GALNT13: variants seen among roughly 807,000 people sequenced by gnomAD.
GALNT13 encodes polypeptide N-acetylgalactosaminyltransferase 13, also known as UDP-GalNAc:polypeptide N-acetylgalactosaminyltransferase 13.
GALNT13 carries 28 observed loss-of-function variants against 64.2 expected under a neutral mutation model. The observed-to-expected ratio is 0.44, with a 90% CI of 0.32 to 0.60. The LOEUF (loss-of-function observed/expected upper bound fraction) is 0.60. GALNT13 is among the 20% of genes least tolerant of loss of function. The pLI is 0.05. For missense variants in GALNT13, 577 were observed against 669.8 expected, an observed-to-expected ratio of 0.86 and a Z score of 1.53; for synonymous variants, 214 against 224.6, an observed-to-expected ratio of 0.95 and a Z score of 0.42.
At chr2:153,198,349 C>G in the GALNT13 span, among the ~76,000 whole-genome samples, 10 of 152,172 alleles carry the variant, frequency 6.6e-5, no homozygotes, top group Non-Finnish European at 1.3e-4. Context: ...TTACAGGAGT[C>G]TGAGGTGAGA....
chr2:153,085,864 C>T, the GALNT13 span, among the ~76,000 whole-genome samples: 1 of 152,064 alleles, frequency 6.6e-6, no homozygotes, highest in South Asian at 2.1e-4. Flanking sequence ...GCACTATGTA[C>T]CTAGGAAAGC....
intron 3 of GALNT13, among the ~76,000 whole-genome samples, chr2:154,100,379 T>C (rs1702284828): frequency 6.6e-6 from 1 of 152,154 alleles, no homozygotes; most frequent in South Asian, 2.1e-4. Flanking sequence ...CTATGATTTC[T>C]TTCAGCAGTA....
At chr2:153,204,451 A>T in the GALNT13 span, among the ~76,000 whole-genome samples, 2 of 152,174 alleles carry the variant, frequency 1.3e-5, no homozygotes, top group East Asian at 1.9e-4. Context: ...GAATTTATCC[A>T]AACAGCTTTT....
chr2:154,094,490 G>A (rs1701979402), intron 3 of GALNT13, among the ~76,000 whole-genome samples: 1 of 151,790 alleles, frequency 6.6e-6, no homozygotes, highest in Non-Finnish European at 1.5e-5. Flanking sequence ...GCCTTAAATT[G>A]GACAACTCAG....
At chr2:153,242,254 A>G in the GALNT13 span, among the ~76,000 whole-genome samples, 1 of 152,092 alleles carries the variant, frequency 6.6e-6, no homozygotes, top group Non-Finnish European at 1.5e-5. Context: ...CTGGCTTATT[A>G]TTTGTGTAAC....
the GALNT13 span, among the ~76,000 whole-genome samples, chr2:153,401,081 C>G: frequency 6.6e-6 from 1 of 151,994 alleles, no homozygotes; most frequent in African/African-American, 2.4e-5. Flanking sequence ...AAATTTCCCT[C>G]TACACACTGC....
At chr2:153,456,792 C>A in the GALNT13 span, among the ~76,000 whole-genome samples, 1 of 152,260 alleles carries the variant, frequency 6.6e-6, no homozygotes, top group East Asian at 1.9e-4. Context: ...AGGATTTGAA[C>A]CTAGGCTATC....
rs529424469 is a variant in GALNT13 at position 154,269,906 on chromosome 2, G to GTGTATATATATATATATATATATA, written c.975+10769_975+10770insGTATATATATATATATATATATAT. On this transcript the variant is annotated intron_variant, in intron 8 of 12. Coordinates refer to ENST00000392825, the MANE Select transcript of GALNT13 (RefSeq NM_052917.4). ...GTCATATATATATTTATATATATGT[G>GTGTATATATATATATATATATATA]TATATATATATATATATATTTCTAA... Among the ~76,000 whole-genome samples, 408 of 96,812 alleles carry GTGTATATATATATATATATATATA rather than the reference G, an allele frequency of 4.2e-3. 26 individuals carry two copies. The highest frequency in any genetic ancestry group is 6.1e-3 in the Admixed American group (48 of 7,856). The allele number at this position is 96,812 out of a possible 152,430, so 63.5% of individuals were successfully genotyped here.
chr2:153,116,452 C>T, the GALNT13 span, among the ~76,000 whole-genome samples: 1 of 152,060 alleles, frequency 6.6e-6, no homozygotes, highest in Non-Finnish European at 1.5e-5. Flanking sequence ...GTTCAGACTT[C>T]GTGTTTGGGA....
intron 3 of GALNT13, among the ~76,000 whole-genome samples, chr2:153,993,627 C>A (rs901962025): frequency 7.2e-6 from 1 of 139,492 alleles, no homozygotes; most frequent in East Asian, 2.1e-4. Flanking sequence ...ACTTGGGAGG[C>A]GAAGCTTGCA....
At chr2:153,346,112 G>A in the GALNT13 span, among the ~76,000 whole-genome samples, 1 of 151,982 alleles carries the variant, frequency 6.6e-6, no homozygotes, top group African/African-American at 2.4e-5. Context: ...TTTTTGTAGA[G>A]ATGGGTTTTG....
At chr2:153,628,157 G>A in the GALNT13 span, among the ~76,000 whole-genome samples, 1 of 151,904 alleles carries the variant, frequency 6.6e-6, no homozygotes, top group African/African-American at 2.4e-5. Flanking sequence ...GTCTGTTATT[G>A]GTGTATAAGA....
At chr2:153,922,674 C>T (rs1366095450) in intron 2 of GALNT13, among the ~76,000 whole-genome samples, 1 of 152,116 alleles carries the variant, frequency 6.6e-6, no homozygotes, top group South Asian at 2.1e-4. Context: ...AACCCTTACT[C>T]TCCACCTTCC....
At chr2:153,571,228 G>A in the GALNT13 span, among the ~76,000 whole-genome samples, 5 of 151,696 alleles carry the variant, frequency 3.3e-5, no homozygotes, top group Admixed American at 6.6e-5. Flanking sequence ...ATTTTAAATG[G>A]GATTAGTTTT....
the GALNT13 span, among the ~76,000 whole-genome samples, chr2:153,200,737 C>A: frequency 6.6e-6 from 1 of 152,144 alleles, no homozygotes; most frequent in Non-Finnish European, 1.5e-5. Context: ...TTATTTAAAT[C>A]TCCATGAGAA....
the GALNT13 span, among the ~76,000 whole-genome samples, chr2:153,359,738 C>A: frequency 6.8e-6 from 1 of 146,888 alleles, no homozygotes; most frequent in Non-Finnish European, 1.5e-5. Flanking sequence ...AGATATGACA[C>A]AGATGTTGAA....
intron 1 of GALNT13, among the ~76,000 whole-genome samples, chr2:153,893,639 A>G (rs976137884): frequency 6.6e-6 from 1 of 152,016 alleles, no homozygotes; most frequent in Non-Finnish European, 1.5e-5. Context: ...TATTTTAGAA[A>G]TTATTGATAT....
chr2:153,180,612 A>C, the GALNT13 span, among the ~76,000 whole-genome samples: 2 of 152,098 alleles, frequency 1.3e-5, no homozygotes, highest in Non-Finnish European at 2.9e-5. Flanking sequence ...TGTTCTTTAA[A>C]TGTTTGGGCG....
At chr2:153,774,560 A>C in the GALNT13 span, among the ~76,000 whole-genome samples, 1 of 152,278 alleles carries the variant, frequency 6.6e-6, no homozygotes, top group Admixed American at 6.5e-5. Flanking sequence ...TTTGACAAGA[A>C]AACTTTTTTT....
Sources: gnomAD v4.1 joint callset for allele counts (sites outside exome capture counted in the v4.1 genomes callset) on GRCh38, gnomAD v4.1.1 for gene constraint, MANE v1.5 for transcripts, NCBI Gene and HGNC (gene_info 2026-07-23, HGNC 2026-07-21) for gene names.